The following QTGAL variants were observed in gnomAD, a reference collection of about 807,000 sequenced individuals.
QTGAL encodes the protein queuosine-tRNA galactosyltransferase, also known as BGnT-like protein 1.
the QTGAL span, chr17:82,942,501 G>A: frequency 2.5e-6 from 4 of 1,613,934 alleles, no homozygotes; most frequent in South Asian, 3.3e-5. Flanking sequence ...CCTGCCTGGT[G>A]AGGATGTCTT....
the QTGAL span, among the ~76,000 whole-genome samples, chr17:82,976,311 G>A: frequency 2.4e-5 from 2 of 83,340 alleles, no homozygotes; most frequent in Admixed American, 1.0e-4. Context: ...CCCAGGGGCT[G>A]GAGGCCACTT....
At chr17:82,991,388 A>T in the QTGAL span, among the ~76,000 whole-genome samples, 23 of 152,224 alleles carry the variant, frequency 1.5e-4, no homozygotes, top group Admixed American at 4.6e-4. Flanking sequence ...TAAGTCTCAC[A>T]AGATCTGATG....
chr17:83,014,488 A>G, the QTGAL span: 4 of 1,614,046 alleles, frequency 2.5e-6, no homozygotes, highest in East Asian at 8.9e-5. Context: ...CTCGTGTTGC[A>G]GCCTCACCCG....
chr17:83,029,680 G>C, the QTGAL span, among the ~76,000 whole-genome samples: 1 of 152,126 alleles, frequency 6.6e-6, no homozygotes, highest in Non-Finnish European at 1.5e-5. Flanking sequence ...CATGGTTCAG[G>C]ACACAGCGCG....
the QTGAL span, among the ~76,000 whole-genome samples, chr17:82,977,501 T>G: frequency 8.1e-6 from 1 of 123,370 alleles, no homozygotes; most frequent in Non-Finnish European, 1.7e-5. Flanking sequence ...AAAAAAAAAC[T>G]TTTCTTTGTT....
the QTGAL span, among the ~76,000 whole-genome samples, chr17:83,032,847 G>A: frequency 1.2e-4 from 18 of 152,314 alleles, no homozygotes; most frequent in Admixed American, 7.8e-4. Context: ...CCGCCTTCCC[G>A]AGCTGGGCCG....
chr17:83,048,321 C>T, the QTGAL span: 66 of 707,028 alleles, frequency 9.3e-5, no homozygotes, highest in Admixed American at 1.3e-3. Flanking sequence ...AGCCACCACA[C>T]CTGGCCTCTA....
At chr17:82,981,939 T>C in the QTGAL span, among the ~76,000 whole-genome samples, 1 of 152,256 alleles carries the variant, frequency 6.6e-6, no homozygotes, top group African/African-American at 2.4e-5. Context: ...AGAAAACACA[T>C]TGACTATTCA....
At chr17:83,006,936 T>C in the QTGAL span, 1 of 615,092 alleles carries the variant, frequency 1.6e-6, no homozygotes, top group Non-Finnish European at 2.0e-6. This position sits in a 1 kb window ranked among gnomAD's most constrained non-coding sequence, Gnocchi z 5.8. Flanking sequence ...TTGCGCCGTC[T>C]CTCACCCTCA....
At chr17:82,983,740 C>T in the QTGAL span, among the ~76,000 whole-genome samples, 2 of 152,048 alleles carry the variant, frequency 1.3e-5, no homozygotes, top group Non-Finnish European at 2.9e-5. Flanking sequence ...CCAGGCAGGG[C>T]AGGGGCCCCG....
chr17:83,029,655 ATG>A, the QTGAL span, among the ~76,000 whole-genome samples: 1 of 152,304 alleles, frequency 6.6e-6, no homozygotes, highest in East Asian at 1.9e-4. Flanking sequence ...CAGATTGGCT[ATG>A]TCTGCCTTTC....
chr17:82,965,925 C>T, the QTGAL span, among the ~76,000 whole-genome samples: 10 of 152,078 alleles, frequency 6.6e-5, no homozygotes, highest in Admixed American at 4.6e-4. Flanking sequence ...TCCACAGGGA[C>T]GGGGCTCAAG....
At chr17:83,033,910 C>G in the QTGAL span, among the ~76,000 whole-genome samples, 1 of 152,194 alleles carries the variant, frequency 6.6e-6, no homozygotes, top group Middle Eastern at 3.4e-3. Context: ...CTGCTTCTGT[C>G]CTCTGCCTAC....
the QTGAL span, among the ~76,000 whole-genome samples, chr17:82,974,522 G>A: frequency 4.2e-4 from 64 of 152,216 alleles, no homozygotes; most frequent in East Asian, 3.9e-4. Flanking sequence ...GCGTCCCCTC[G>A]TGAGGGACAG....
the QTGAL span, chr17:83,005,721 ACCCTCTCCCCGGGCATCCAGG>A: frequency 2.7e-6 from 2 of 734,628 alleles, no homozygotes; most frequent in Non-Finnish European, 4.7e-6. The surrounding 1 kb of genome is among the most constrained non-coding windows in gnomAD (Gnocchi z 5.6). Context: ...AGGGCCGACA[ACCCTCTCCCCGGGCATCCAGG>A]CCAGCACCCC....
At chr17:82,944,264 C>G in the QTGAL span, 2 of 121,606 alleles carry the variant, frequency 1.6e-5, no homozygotes, top group South Asian at 2.8e-4. Flanking sequence ...CCACTGGCCA[C>G]TGCCTCTTTC....
the QTGAL span, among the ~76,000 whole-genome samples, chr17:83,028,129 G>A: frequency 5.3e-5 from 8 of 151,930 alleles, no homozygotes; most frequent in Admixed American, 4.6e-4. Context: ...CGACCTGCAC[G>A]CTCCCGGCTC....
the QTGAL span, among the ~76,000 whole-genome samples, chr17:82,970,731 C>A: frequency 6.6e-6 from 1 of 151,612 alleles, no homozygotes; most frequent in East Asian, 1.9e-4. Context: ...GTGGCCGAAG[C>A]CCTGGAGCTG....
chr17:82,982,561 A>AAT, the QTGAL span, among the ~76,000 whole-genome samples: 1 of 152,198 alleles, frequency 6.6e-6, no homozygotes, highest in Non-Finnish European at 1.5e-5. Context: ...CCACCACGTG[A>AAT]GGACACGGTG....
Sources: allele counts gnomAD v4.1 joint callset (sites outside exome capture counted in the v4.1 genomes callset), GRCh38; gene constraint gnomAD v4.1.1; non-coding constraint Gnocchi (gnomAD v3.1); transcripts MANE v1.5; gene names NCBI Gene and HGNC (gene_info 2026-07-23, HGNC 2026-07-21).